The following ADAMTSL1 variants were observed in gnomAD, a reference collection of about 807,000 sequenced individuals.
ADAMTSL1 encodes the protein ADAMTS like 1, also known as ADAMTS-like protein 1.
In ADAMTSL1, 126 loss-of-function variants were observed where a neutral mutation model predicts 201.8. That is an observed-to-expected ratio of 0.62 (90% CI 0.54 to 0.72). The LOEUF (loss-of-function observed/expected upper bound fraction) is 0.72. ADAMTSL1 is among the 30% of genes least tolerant of loss of function. ADAMTSL1 has a pLI of 0.00. For missense variants in ADAMTSL1, 2,679 were observed against 2,277.8 expected (o/e 1.18, Z -3.59); for synonymous variants, 1,121 against 903.4 (o/e 1.24, Z -4.32).
intron 2 of ADAMTSL1, among the ~76,000 whole-genome samples, chr9:18,400,993 A>T (rs751748092): frequency 1.3e-5 from 2 of 152,202 alleles, no homozygotes; most frequent in African/African-American, 2.4e-5. Flanking sequence ...CCTTAGCTGG[A>T]TATCAAAAAT....
At chr9:18,652,879 T>G (rs1364938356) in intron 7 of ADAMTSL1, among the ~76,000 whole-genome samples, 1 of 152,228 alleles carries the variant, frequency 6.6e-6, no homozygotes, top group Non-Finnish European at 1.5e-5. Flanking sequence ...CCAGCCTGTT[T>G]CTAGACAGTC....
chr9:18,667,261 C>T (rs1450216813), intron 9 of ADAMTSL1, among the ~76,000 whole-genome samples: 1 of 147,436 alleles, frequency 6.8e-6, no homozygotes, highest in Non-Finnish European at 1.5e-5. Context: ...CAGTAAATTG[C>T]ATAAATTGTC....
intron 2 of ADAMTSL1, among the ~76,000 whole-genome samples, chr9:18,433,796 C>G (rs1819601854): frequency 6.6e-6 from 1 of 152,122 alleles, no homozygotes. Flanking sequence ...CAAGTTTTAA[C>G]AAAATGACTC....
chr9:18,015,430 T>C (rs1186399050), intron 1 of ADAMTSL1, among the ~76,000 whole-genome samples: 1 of 152,124 alleles, frequency 6.6e-6, no homozygotes, highest in Admixed American at 6.6e-5. Context: ...TGCCACTCCC[T>C]TGGGGTCACC....
intron 4 of ADAMTSL1, among the ~76,000 whole-genome samples, chr9:18,606,737 C>T (rs1269957657): frequency 4.6e-5 from 7 of 152,156 alleles, no homozygotes; most frequent in African/African-American, 1.4e-4. Flanking sequence ...ATCCACACAC[C>T]GTACTTCATA....
chr9:18,370,644 G>T (rs1316474568), intron 2 of ADAMTSL1, among the ~76,000 whole-genome samples: 2 of 149,680 alleles, frequency 1.3e-5, no homozygotes, highest in East Asian at 1.9e-4. Context: ...TCCCCTTTTG[G>T]GTTGTGTGTG....
chr9:18,177,783 A>G (rs1034038957), intron 2 of ADAMTSL1, among the ~76,000 whole-genome samples: 1 of 152,176 alleles, frequency 6.6e-6, no homozygotes, highest in Non-Finnish European at 1.5e-5. Context: ...TTGGTTACAT[A>G]CCCATGCCTA....
intron 2 of ADAMTSL1, among the ~76,000 whole-genome samples, chr9:18,417,099 A>G (rs763864800): frequency 1.3e-5 from 2 of 152,146 alleles, no homozygotes; most frequent in Middle Eastern, 3.4e-3. Flanking sequence ...ACTAAATTAG[A>G]AAAGAATAAC....
chr9:18,065,746 C>T (rs7856834), intron 1 of ADAMTSL1, among the ~76,000 whole-genome samples: 6,988 of 151,988 alleles, frequency 0.046, 477 homozygotes, highest in African/African-American at 0.15. Flanking sequence ...TTTGGGAGGC[C>T]GAGGCGGGTG....
upstream of ADAMTSL1, among the ~76,000 whole-genome samples, chr9:18,469,924 G>A (rs1303283785): frequency 6.6e-6 from 1 of 152,220 alleles, no homozygotes; most frequent in African/African-American, 2.4e-5. Context: ...ATGAAGGACT[G>A]CTAACCCATC....
chr9:18,141,441 G>A (rs1054267075), intron 1 of ADAMTSL1, among the ~76,000 whole-genome samples: 3 of 152,072 alleles, frequency 2.0e-5, no homozygotes, highest in Admixed American at 1.3e-4. Context: ...GAGTCACAGG[G>A]CCTCGATTCA....
intron 16 of ADAMTSL1, 127 bp from the exon 17 acceptor site, chr9:18,770,475 T>C: frequency 9.9e-7 from 1 of 1,005,404 alleles, no homozygotes; most frequent in Non-Finnish European, 1.4e-6. Context: ...GGCCGATTCC[T>C]GGTTTTTCTT....
At chr9:18,032,118 C>T (rs1203134219) in intron 1 of ADAMTSL1, among the ~76,000 whole-genome samples, 1 of 152,170 alleles carries the variant, frequency 6.6e-6, no homozygotes, top group Non-Finnish European at 1.5e-5. Flanking sequence ...GTGTTCAGGG[C>T]TGTATGGTTT....
At chr9:18,161,192 CT>C (rs928454872) in intron 1 of ADAMTSL1, among the ~76,000 whole-genome samples, 8 of 151,894 alleles carry the variant, frequency 5.3e-5, no homozygotes, top group Non-Finnish European at 7.4e-5. Context: ...AAAATGTTGG[CT>C]GTTTATTCTT....
intron 14 of ADAMTSL1, among the ~76,000 whole-genome samples, chr9:18,714,364 A>C (rs1243949655): frequency 4.0e-4 from 60 of 150,892 alleles, no homozygotes; most frequent in Middle Eastern, 3.2e-3. Context: ...AAGACTAATA[A>C]AGAAAAAAAG....
At chr9:18,779,023 A>G (rs1821226394) in intron 19 of ADAMTSL1, among the ~76,000 whole-genome samples, 1 of 152,364 alleles carries the variant, frequency 6.6e-6, no homozygotes, top group South Asian at 2.1e-4. Context: ...AAGGAAGGAA[A>G]GAAGCCAGCA....
chr9:18,484,648 A>C lies in ADAMTSL1; in HGVS notation c.63+10353A>C, dbSNP rs189663273. Among the ~76,000 whole-genome samples the C allele has an allele frequency of 4.6e-5, 7 of 152,302 alleles. No individual in the cohort carries two copies. The East Asian group carries it at 9.6e-4, about 21-fold the overall frequency. ...TAAAAGGCCAGTCAGCTGCATATAG[A>C]AGGCTAATGACAGTAGGTTTTCCCA... On this transcript the variant is annotated intron_variant, in intron 1 of 28. Transcript: ENST00000380548.
At chr9:18,479,276 G>A (rs1821608839) in intron 1 of ADAMTSL1, among the ~76,000 whole-genome samples, 1 of 152,234 alleles carries the variant, frequency 6.6e-6, no homozygotes, top group South Asian at 2.1e-4. Flanking sequence ...GCCACGTCAA[G>A]AAGATGCCCA....
intron 1 of ADAMTSL1, among the ~76,000 whole-genome samples, chr9:17,934,794 C>T (rs1242574042): frequency 6.6e-6 from 1 of 151,822 alleles, no homozygotes; most frequent in African/African-American, 2.4e-5. Flanking sequence ...ACCCATTTCC[C>T]CCACAAAGAC....
Sources: gnomAD v4.1 joint callset for allele counts (sites outside exome capture counted in the v4.1 genomes callset) on GRCh38, gnomAD v4.1.1 for gene constraint, MANE v1.5 for transcripts, NCBI Gene and HGNC (gene_info 2026-07-23, HGNC 2026-07-21) for gene names.